The following PLEKHA7 variants were observed in gnomAD, a reference collection of about 807,000 sequenced individuals.
PLEKHA7 encodes the protein pleckstrin homology domain containing A7, also known as pleckstrin homology domain-containing family A member 7.
In PLEKHA7, 104 loss-of-function variants were observed where a neutral mutation model predicts 170.0. The ratio of observed to expected loss-of-function variants is 0.61; its 90% confidence interval spans 0.52 to 0.72. PLEKHA7 has a LOEUF of 0.72. PLEKHA7 is among the 30% of genes least tolerant of loss of function. PLEKHA7 has a pLI of 0.00. For synonymous variants in PLEKHA7, 648 were observed against 660.8 expected, an observed-to-expected ratio of 0.98 and a Z score of 0.30; for missense variants, 1,615 against 1,671.7, an observed-to-expected ratio of 0.97 and a Z score of 0.59.
chr11:16,779,677 T>C (rs1263996374), intron 26 of PLEKHA7, among the ~76,000 whole-genome samples: 1 of 152,168 alleles, frequency 6.6e-6, no homozygotes, highest in Non-Finnish European at 1.5e-5. Flanking sequence ...CTTCCTCTCA[T>C]GCTCAGGCTG....
chr11:16,896,798 C>T (rs1857020598), intron 3 of PLEKHA7, among the ~76,000 whole-genome samples: 1 of 152,226 alleles, frequency 6.6e-6, no homozygotes, highest in African/African-American at 2.4e-5. Flanking sequence ...GATACCCAGG[C>T]TCCAGGGGTG....
At chr11:16,923,787 C>G (rs557851873) in intron 3 of PLEKHA7, among the ~76,000 whole-genome samples, 1 of 152,134 alleles carries the variant, frequency 6.6e-6, no homozygotes, top group Non-Finnish European at 1.5e-5. Context: ...TAAACTCAGC[C>G]GCCTCTTGCA....
intron 3 of PLEKHA7, among the ~76,000 whole-genome samples, chr11:16,970,614 C>G (rs1314284302): frequency 3.9e-5 from 6 of 152,068 alleles, no homozygotes; most frequent in Non-Finnish European, 7.4e-5. Flanking sequence ...CTGCAGTGAG[C>G]CGTAATCGCA....
intron 26 of PLEKHA7, 27 bp downstream of exon 26, chr11:16,782,727 G>A: frequency 6.5e-7 from 1 of 1,535,174 alleles, no homozygotes; most frequent in Non-Finnish European, 8.7e-7. Flanking sequence ...CAGGATCCAG[G>A]CCTTGGGGGC....
intron 3 of PLEKHA7, among the ~76,000 whole-genome samples, chr11:16,877,339 T>C (rs184500725): frequency 2.6e-5 from 4 of 152,294 alleles, no homozygotes; most frequent in Admixed American, 2.0e-4. Flanking sequence ...AAACTGGAAA[T>C]TGAAACTCTG....
intron 3 of PLEKHA7, among the ~76,000 whole-genome samples, chr11:16,905,986 G>GGACA (rs139355700): frequency 0.11 from 17,078 of 152,100 alleles, 1,164 homozygotes; most frequent in Non-Finnish European, 0.16. Flanking sequence ...CTGGAGTGAG[G>GGACA]GACAGCTCTT....
chr11:16,912,512 C>G (rs1858325632), intron 3 of PLEKHA7, among the ~76,000 whole-genome samples: 1 of 152,182 alleles, frequency 6.6e-6, no homozygotes, highest in Non-Finnish European at 1.5e-5. Flanking sequence ...TTACTGAGTG[C>G]CCAAAACCAC....
At chr11:16,930,014 A>C (rs1859819308) in intron 3 of PLEKHA7, among the ~76,000 whole-genome samples, 1 of 151,568 alleles carries the variant, frequency 6.6e-6, no homozygotes, top group Non-Finnish European at 1.5e-5. Context: ...AAAAAAAATA[A>C]AAATAAAAAT....
chr11:16,813,339 CCGTCTT>C, intron 12 of PLEKHA7, 173 bp from the exon 13 acceptor site: 1 of 504,082 alleles, frequency 2.0e-6, no homozygotes, highest in Non-Finnish European at 3.6e-6. Flanking sequence ...CAGCTGAGAG[CCGTCTT>C]TCAGCAGGGC....
chr11:16,980,460 T>C (rs919136867), intron 3 of PLEKHA7, among the ~76,000 whole-genome samples: 1 of 152,210 alleles, frequency 6.6e-6, no homozygotes, highest in African/African-American at 2.4e-5. Context: ...CAGTCCAGTC[T>C]GTTTTCCTGG....
chr11:16,808,108 C>T (rs1048907760), intron 13 of PLEKHA7, among the ~76,000 whole-genome samples: 3 of 152,192 alleles, frequency 2.0e-5, no homozygotes, highest in Non-Finnish European at 2.9e-5. Context: ...CTGACACTTT[C>T]GGTCTGAGGA....
intron 5 of PLEKHA7, 100 bp from the exon 6 acceptor site, chr11:16,855,093 TA>T (rs1853326023): frequency 1.1e-6 from 1 of 900,514 alleles, no homozygotes; most frequent in African/African-American, 1.6e-5. Flanking sequence ...TGCCTCACTC[TA>T]AATGGCAGCA....
intron 3 of PLEKHA7, among the ~76,000 whole-genome samples, chr11:16,923,044 C>G (rs1859213417): frequency 6.6e-6 from 1 of 152,222 alleles, no homozygotes; most frequent in African/African-American, 2.4e-5. Context: ...ATTCCACAGT[C>G]TGATACCTGC....
chr11:17,012,586 G>A (rs1037900711), intron 3 of PLEKHA7, among the ~76,000 whole-genome samples: 10 of 152,172 alleles, frequency 6.6e-5, no homozygotes, highest in African/African-American at 1.2e-4. Context: ...ACCACGATCT[G>A]ATATTATTAT....
chr11:16,990,287 A>ACAAAAAAAAAACC (rs1554992436), intron 3 of PLEKHA7, among the ~76,000 whole-genome samples: 1 of 111,250 alleles, frequency 9.0e-6, no homozygotes, highest in African/African-American at 3.6e-5. Flanking sequence ...AAAAAAAAAA[A>ACAAAAAAAAAACC]AAAAAAAAAA....
intron 3 of PLEKHA7, among the ~76,000 whole-genome samples, chr11:16,948,389 CA>C (rs1861183599): frequency 6.6e-6 from 1 of 152,124 alleles, no homozygotes. Context: ...CCACAGCTAT[CA>C]AAACATCATG....
intron 3 of PLEKHA7, among the ~76,000 whole-genome samples, chr11:16,937,165 G>C (rs932247848): frequency 1.3e-5 from 2 of 152,182 alleles, no homozygotes; most frequent in African/African-American, 4.8e-5. Flanking sequence ...CTGGACAAGA[G>C]ACAGTTTGCA....
At chr11:16,889,425 AT>A (rs1856472214) in intron 3 of PLEKHA7, among the ~76,000 whole-genome samples, 1 of 102,560 alleles carries the variant, frequency 9.8e-6, no homozygotes, top group African/African-American at 4.2e-5. Flanking sequence ...AAAAAAATAT[AT>A]ATATATATAT....
At chr11:16,806,855 C>T (rs560416737) in intron 13 of PLEKHA7, among the ~76,000 whole-genome samples, 7 of 152,332 alleles carry the variant, frequency 4.6e-5, no homozygotes, top group African/African-American at 1.7e-4. Context: ...GCCATGGAGG[C>T]AGACACGTGA....
Sources: allele counts gnomAD v4.1 joint callset (sites outside exome capture counted in the v4.1 genomes callset), GRCh38; gene constraint gnomAD v4.1.1; transcripts MANE v1.5; gene names NCBI Gene and HGNC (gene_info 2026-07-23, HGNC 2026-07-21).